Variants in NRXN1 observed in about 807,000 individuals in gnomAD.
The protein encoded by NRXN1 is neurexin-1.
Under a neutral mutation model 150.9 loss-of-function variants are expected in NRXN1, and 39 were observed. That is an observed-to-expected ratio of 0.26 (90% CI 0.20 to 0.34). The LOEUF (loss-of-function observed/expected upper bound fraction) is 0.34, where lower values mean the gene tolerates loss of function less well. Among genes scored for constraint, NRXN1 ranks in the 10% least tolerant of loss-of-function variants. NRXN1 has a pLI of 1.00. For synonymous variants in NRXN1, 924 were observed against 757.0 expected (o/e 1.22, Z -3.62); for missense variants, 1,815 against 1,949.9 (o/e 0.93, Z 1.30).
At chr2:50,392,471 G>T (rs1321829971) in intron 17 of NRXN1, among the ~76,000 whole-genome samples, 1 of 152,164 alleles carries the variant, frequency 6.6e-6, no homozygotes, top group Non-Finnish European at 1.5e-5. Flanking sequence ...TTTAAGTCAT[G>T]AGAAGGTGCC....
chr2:50,507,945 T>C (rs951406893), intron 12 of NRXN1, among the ~76,000 whole-genome samples: 9 of 150,644 alleles, frequency 6.0e-5, no homozygotes, highest in African/African-American at 1.2e-4. Flanking sequence ...TGCCCAAGGA[T>C]CACGGGAGGA....
intron 17 of NRXN1, among the ~76,000 whole-genome samples, chr2:50,456,211 T>C (rs528871891): frequency 1.3e-5 from 2 of 152,162 alleles, no homozygotes; most frequent in South Asian, 2.1e-4. Flanking sequence ...GCTGAACCTT[T>C]TATGAAACTT....
At chr2:50,669,406 C>G (rs1688525952) in intron 5 of NRXN1, among the ~76,000 whole-genome samples, 1 of 151,856 alleles carries the variant, frequency 6.6e-6, no homozygotes, top group Non-Finnish European at 1.5e-5. Context: ...ATAGCAATAT[C>G]AAAAATACAA....
At chr2:50,487,626 T>A (rs1036374923) in intron 15 of NRXN1, among the ~76,000 whole-genome samples, 3 of 152,214 alleles carry the variant, frequency 2.0e-5, no homozygotes, top group African/African-American at 7.2e-5. Context: ...TCTATTTCCA[T>A]GTTGACCCAT....
Position 50,497,315 on chromosome 2 carries a change from G to T in NRXN1, c.2879+18C>A. ...TCCAAAGTTTTATTTATTTGCTATT[G>T]AACAGGCATGTACTCACCCTTTAAC... On this transcript the variant is annotated intron_variant, in intron 14 of 22. Coordinates refer to ENST00000401669, the MANE Select transcript of NRXN1 (RefSeq NM_001330078.2). 1 of 1,450,696 alleles carries T rather than the reference G, an allele frequency of 6.9e-7. No individual in the cohort carries two copies. The highest frequency in any genetic ancestry group is 1.7e-5 in the South Asian group (1 of 59,680). 89.9% of individuals were successfully genotyped at this position (1,450,696 alleles called of 1,614,324 possible).
At chr2:50,500,470 A>AT (rs1264984798) in intron 13 of NRXN1, among the ~76,000 whole-genome samples, 2 of 152,140 alleles carry the variant, frequency 1.3e-5, no homozygotes, top group East Asian at 1.9e-4. Flanking sequence ...TTAAAAAATT[A>AT]TTTTTTCTCA....
intron 8 of NRXN1, among the ~76,000 whole-genome samples, chr2:50,618,017 A>G (rs2104208157): frequency 6.6e-6 from 1 of 152,270 alleles, no homozygotes; most frequent in South Asian, 2.1e-4. Flanking sequence ...TTGGATGCCC[A>G]AGAGTTCTTT....
In NRXN1 at chr2:50,522,719, C is replaced by CCTTTTTTTTT. The variant is rs1323306682; in HGVS notation, c.2374+5905_2374+5906insAAAAAAAAAG. Among the ~76,000 whole-genome samples, 69 of 86,558 alleles carry CCTTTTTTTTT rather than the reference C, an allele frequency of 8.0e-4. 23 individuals are homozygous for CCTTTTTTTTT. The highest frequency in any genetic ancestry group is 2.4e-3 in the African/African-American group (41 of 16,774). The allele number at this position is 86,558 out of a possible 152,430, so 56.8% of individuals were successfully genotyped here. A position where few individuals can be genotyped will look rare whatever the true frequency, so the allele number is the denominator to read the frequency against. On this transcript the variant is annotated intron_variant, in intron 12 of 22. Coordinates refer to ENST00000401669, the MANE Select transcript of NRXN1 (RefSeq NM_001330078.2). ...TTCCATTTATTCATTTATTTTTATT[C>CCTTTTTTTTT]ATTTTTTTTTTTTTTTTTTTTTTTT...
chr2:50,482,495 A>C (rs976686190), intron 15 of NRXN1, among the ~76,000 whole-genome samples: 6 of 150,428 alleles, frequency 4.0e-5, no homozygotes, highest in African/African-American at 1.5e-4. Context: ...TCACCATTCC[A>C]TGTTTCATTT....
chr2:49,949,674 T>C (rs1327267896), intron 21 of NRXN1, among the ~76,000 whole-genome samples: 1 of 151,936 alleles, frequency 6.6e-6, no homozygotes, highest in Non-Finnish European at 1.5e-5. Context: ...ACAGCAACAG[T>C]GTATCCTGCT....
intron 9 of NRXN1, among the ~76,000 whole-genome samples, chr2:50,549,698 C>T (rs1667149390): frequency 6.6e-6 from 1 of 152,160 alleles, no homozygotes; most frequent in South Asian, 2.1e-4. Context: ...AATTAATAAA[C>T]TCTTGGTAAT....
At chr2:50,830,713 C>T (rs1671289516) in intron 5 of NRXN1, among the ~76,000 whole-genome samples, 1 of 149,262 alleles carries the variant, frequency 6.7e-6, no homozygotes, top group Non-Finnish European at 1.5e-5. Flanking sequence ...TAATACATCT[C>T]CTCCCATACT....
chr2:51,001,472 C>G (rs547681177), intron 2 of NRXN1, among the ~76,000 whole-genome samples: 1 of 152,020 alleles, frequency 6.6e-6, no homozygotes. Context: ...AAAAGATCCA[C>G]ACATTTATTA....
chr2:49,963,642 C>G (rs1323325114), intron 21 of NRXN1, among the ~76,000 whole-genome samples: 1 of 152,184 alleles, frequency 6.6e-6, no homozygotes, highest in Non-Finnish European at 1.5e-5. Context: ...AAACACCAAA[C>G]CTTCAGACAC....
chr2:50,411,554 C>T (rs576881601), intron 17 of NRXN1, among the ~76,000 whole-genome samples: 8 of 152,044 alleles, frequency 5.3e-5, no homozygotes, highest in African/African-American at 1.4e-4. Flanking sequence ...CGCCTCTGCC[C>T]GGCTGCGACC....
chr2:50,026,799 AT>A (rs1688353208), intron 21 of NRXN1, among the ~76,000 whole-genome samples: 1 of 150,320 alleles, frequency 6.7e-6, no homozygotes, highest in Non-Finnish European at 1.5e-5. Context: ...ACTCACAGAA[AT>A]TAGCTGATTT....
chr2:50,679,432 A>G (rs1690033569), intron 5 of NRXN1, among the ~76,000 whole-genome samples: 3 of 152,144 alleles, frequency 2.0e-5, no homozygotes, highest in Admixed American at 6.5e-5. Flanking sequence ...GCAAAGAAAA[A>G]TATCTGAAAA....
At chr2:50,115,116 G>A (rs535452253) in intron 18 of NRXN1, among the ~76,000 whole-genome samples, 2 of 150,414 alleles carry the variant, frequency 1.3e-5, no homozygotes, top group African/African-American at 4.9e-5. Flanking sequence ...GGAGCAGAGA[G>A]TATTTGGAAA....
chr2:50,544,590 G>C (rs1000207622), intron 9 of NRXN1, among the ~76,000 whole-genome samples: 19 of 152,152 alleles, frequency 1.2e-4, no homozygotes, highest in African/African-American at 4.6e-4. Context: ...AAATTTAAAA[G>C]TTTAATAATG....
Sources: allele counts gnomAD v4.1 joint callset (sites outside exome capture counted in the v4.1 genomes callset), GRCh38; gene constraint gnomAD v4.1.1; transcripts MANE v1.5; gene names NCBI Gene and HGNC (gene_info 2026-07-23, HGNC 2026-07-21).